ACACA: variants seen among roughly 807,000 people sequenced by gnomAD.
ACACA encodes acetyl-CoA carboxylase 1.
ACACA carries 103 observed loss-of-function variants against 296.1 expected under a neutral mutation model. That is an observed-to-expected ratio of 0.35 (90% CI 0.30 to 0.41). The LOEUF is 0.41. ACACA is among the 10% of genes least tolerant of loss of function. ACACA has a pLI of 1.00. For synonymous variants in ACACA, 953 were observed against 1,038.6 expected (o/e 0.92, Z 1.58); for missense variants, 1,554 against 2,989.7 (o/e 0.52, Z 11.20).
Position 37,204,655 on chromosome 17 carries a change from GA to G in ACACA, c.4056+1109del, listed in dbSNP as rs1315828632. Among the ~76,000 whole-genome samples the G allele has an allele frequency of 5.9e-5, 9 of 152,170 alleles. No individual in the cohort carries two copies. The East Asian group carries it at 1.7e-3, about 29-fold the overall frequency. On this transcript the variant is annotated intron_variant, in intron 33 of 55. Transcript: ENST00000616317. ...TCCTCACTGAAGAGATGAAATTTGA[GA>G]CAGTTCTTAAGACAAACAAGATTTA...
At chr17:37,380,050 AT>A (rs1251492848) in intron 1 of ACACA, among the ~76,000 whole-genome samples, 1 of 151,720 alleles carries the variant, frequency 6.6e-6, no homozygotes, top group Non-Finnish European at 1.5e-5. Context: ...GATAGACTGG[AT>A]TAAGAAAATG....
At chr17:37,318,295 T>C (rs1444792140) in intron 3 of ACACA, among the ~76,000 whole-genome samples, 5 of 152,188 alleles carry the variant, frequency 3.3e-5, no homozygotes, top group Admixed American at 1.3e-4. Flanking sequence ...TGGAGTGCAG[T>C]GCAGTGGCGT....
chr17:37,254,866 A>AG (rs947576270), intron 14 of ACACA, among the ~76,000 whole-genome samples: 4 of 150,578 alleles, frequency 2.7e-5, no homozygotes, highest in African/African-American at 9.8e-5. Flanking sequence ...ACTCCATGTC[A>AG]GAAAAAAAAA....
chr17:37,100,822 C>T (rs767576588), intron 52 of ACACA, among the ~76,000 whole-genome samples: 26 of 152,152 alleles, frequency 1.7e-4, no homozygotes, highest in African/African-American at 2.9e-4. Context: ...TAGGGCCAGG[C>T]GGGGTGGCTC....
chr17:37,239,614 C>G (rs1202861547), intron 24 of ACACA, among the ~76,000 whole-genome samples: 7 of 152,192 alleles, frequency 4.6e-5, no homozygotes, highest in Admixed American at 4.6e-4. Context: ...TCTCCACACC[C>G]TGTTATCTTG....
At chr17:37,261,088 C>T (rs529194897) in intron 11 of ACACA, among the ~76,000 whole-genome samples, 1 of 152,250 alleles carries the variant, frequency 6.6e-6, no homozygotes, top group South Asian at 2.1e-4. Context: ...GATAACACAA[C>T]ATTTGGTAAA....
At chr17:37,395,414 A>T (rs1250552523) in intron 1 of ACACA, among the ~76,000 whole-genome samples, 1 of 146,064 alleles carries the variant, frequency 6.8e-6, no homozygotes, top group East Asian at 2.0e-4. Flanking sequence ...TGGGTGACAA[A>T]GCAAGACTCC....
intron 3 of ACACA, among the ~76,000 whole-genome samples, chr17:37,297,519 GTA>G (rs2083406408): frequency 7.4e-6 from 1 of 134,460 alleles, no homozygotes; most frequent in African/African-American, 3.4e-5. Flanking sequence ...GTTTGTGTAT[GTA>G]TATGTGTGTG....
intron 5 of ACACA, among the ~76,000 whole-genome samples, chr17:37,282,809 G>A (rs1011107946): frequency 1.3e-5 from 2 of 151,932 alleles, no homozygotes; most frequent in African/African-American, 4.8e-5. Context: ...ATATGTAGCC[G>A]AATTTACAGA....
chr17:37,398,435 C>T (rs974290111), intron 1 of ACACA, among the ~76,000 whole-genome samples: 6 of 141,128 alleles, frequency 4.3e-5, no homozygotes, highest in Admixed American at 2.9e-4. Flanking sequence ...TACAGACATG[C>T]GCCACCATGC....
At chr17:37,270,545 T>C (rs2082022997) in intron 10 of ACACA, among the ~76,000 whole-genome samples, 1 of 152,234 alleles carries the variant, frequency 6.6e-6, no homozygotes, top group Non-Finnish European at 1.5e-5. Flanking sequence ...AATTACCTAA[T>C]TAAATAAAAC....
At chr17:37,294,068 T>G (rs1354336043) in intron 3 of ACACA, among the ~76,000 whole-genome samples, 1 of 152,134 alleles carries the variant, frequency 6.6e-6, no homozygotes, top group Non-Finnish European at 1.5e-5. Flanking sequence ...CTGGTATTTT[T>G]TTTTGCCAAT....
chr17:37,309,924 G>A (rs2084051891), intron 3 of ACACA, among the ~76,000 whole-genome samples: 1 of 151,902 alleles, frequency 6.6e-6, no homozygotes, highest in Non-Finnish European at 1.5e-5. Context: ...AGGGTGGCAT[G>A]CACCTATTGA....
At chr17:37,385,406 G>A (rs2050482616) in intron 1 of ACACA, among the ~76,000 whole-genome samples, 1 of 152,108 alleles carries the variant, frequency 6.6e-6, no homozygotes, top group Non-Finnish European at 1.5e-5. Context: ...CTGGGAGGCA[G>A]AGGTTGCAGT....
chr17:37,386,209 C>T (rs1188227720), intron 1 of ACACA: 4 of 828,552 alleles, frequency 4.8e-6, no homozygotes, highest in South Asian at 3.8e-5. Flanking sequence ...TTAGCCCCAG[C>T]GTTAGTCTGG....
intron 1 of ACACA, among the ~76,000 whole-genome samples, 155 bp downstream of exon 1, chr17:37,406,107 A>T (rs1156347662): frequency 6.6e-6 from 1 of 152,118 alleles, no homozygotes; most frequent in Non-Finnish European, 1.5e-5. Context: ...TTCACCTGGA[A>T]AATAGGGATA....
chr17:37,116,495 T>C (rs2074259813), intron 50 of ACACA, among the ~76,000 whole-genome samples: 2 of 152,226 alleles, frequency 1.3e-5, no homozygotes, highest in Admixed American at 1.3e-4. Flanking sequence ...GGCTTGGATC[T>C]GACTGCCAAA....
chr17:37,254,893 T>C lies in ACACA; in HGVS notation c.1827-1857A>G, dbSNP rs1368747973. On this transcript the variant is annotated intron_variant, in intron 14 of 55. Coordinates refer to ENST00000616317, the MANE Select transcript of ACACA (RefSeq NM_198834.3). ...AAAAAAAAAAAAAAGAATAAATGAA[T>C]GAACAGAGGAAATAGCAAGAACAAA... 2.7e-5 allele frequency among the ~76,000 whole-genome samples: 4 copies of C among 146,664 alleles called. No individual in the cohort carries two copies. In the East Asian group the frequency reaches 7.9e-4, roughly 29 times the overall value.
At chr17:37,221,889 T>C in intron 28 of ACACA, 47 bp from the exon 29 acceptor site, 1 of 1,505,798 alleles carries the variant, frequency 6.6e-7, no homozygotes, top group Non-Finnish European at 9.2e-7. Context: ...AAACAGAAAT[T>C]AAGAAAATAG....
Sources: gnomAD v4.1 joint callset for allele counts (sites outside exome capture counted in the v4.1 genomes callset) on GRCh38, gnomAD v4.1.1 for gene constraint, MANE v1.5 for transcripts, NCBI Gene and HGNC (gene_info 2026-07-23, HGNC 2026-07-21) for gene names.